The following EML1 variants were observed in gnomAD, a reference collection of about 807,000 sequenced individuals.
EML1 encodes echinoderm microtubule-associated protein-like 1.
A neutral mutation model predicts 110.4 loss-of-function variants in EML1; 27 were observed. That is an observed-to-expected ratio of 0.24 (90% CI 0.18 to 0.34). EML1 has a LOEUF of 0.34. Ranked by LOEUF, EML1 falls within the 10% of genes least tolerant of loss-of-function variation. The pLI, the probability that EML1 is intolerant of heterozygous loss-of-function variation, is 1.00. For missense variants in EML1, 741 were observed against 1,030.9 expected, an observed-to-expected ratio of 0.72 and a Z score of 3.85; for synonymous variants, 344 against 385.8, an observed-to-expected ratio of 0.89 and a Z score of 1.27.
chr14:99,863,984 C>T (rs117098443), intron 2 of EML1, among the ~76,000 whole-genome samples: 106 of 152,362 alleles, frequency 7.0e-4, no homozygotes, highest in Non-Finnish European at 1.1e-3. Flanking sequence ...ATCGGCATCC[C>T]GGCCATCAAT....
intron 1 of EML1, among the ~76,000 whole-genome samples, chr14:99,753,986 G>A (rs2057213753): frequency 6.6e-6 from 1 of 152,186 alleles, no homozygotes; most frequent in Non-Finnish European, 1.5e-5. Context: ...TTTCCAACAA[G>A]GGCCCCCCAC....
At chr14:99,938,448 C>T (rs1378993989) in intron 20 of EML1, among the ~76,000 whole-genome samples, 6 of 152,220 alleles carry the variant, frequency 3.9e-5, no homozygotes, top group African/African-American at 1.4e-4. Context: ...GTGCTGAGGT[C>T]CGGAGGTTCA....
chr14:99,931,141 C>G (rs759846188), intron 17 of EML1, among the ~76,000 whole-genome samples: 9 of 152,162 alleles, frequency 5.9e-5, no homozygotes, highest in Non-Finnish European at 8.8e-5. Flanking sequence ...CATGCAGATG[C>G]AGCAGTCTTG....
chr14:99,846,441 C>A (rs971687376), intron 1 of EML1, among the ~76,000 whole-genome samples: 1 of 151,920 alleles, frequency 6.6e-6, no homozygotes. Context: ...TACCACCATG[C>A]CCAGCTAATT....
intron 4 of EML1, among the ~76,000 whole-genome samples, chr14:99,882,413 G>A (rs766596335): frequency 6.6e-6 from 1 of 152,172 alleles, no homozygotes; most frequent in Non-Finnish European, 1.5e-5. Flanking sequence ...AAGGGAATGA[G>A]CTATGTCAGC....
At chr14:99,869,800 G>A (rs1049123770) in intron 3 of EML1, among the ~76,000 whole-genome samples, 1 of 152,140 alleles carries the variant, frequency 6.6e-6, no homozygotes, top group African/African-American at 2.4e-5. Context: ...TCAAGGTCTG[G>A]TTGTTTAAAA....
intron 9 of EML1, 160 bp from the exon 10 acceptor site, chr14:99,907,478 A>G: frequency 1.5e-6 from 1 of 658,386 alleles, no homozygotes; most frequent in East Asian, 2.8e-5. Flanking sequence ...CAGAAAAAGA[A>G]AGAAAGAAAG....
chr14:99,796,910 T>A (rs1166445532), intron 1 of EML1, among the ~76,000 whole-genome samples: 1 of 102,164 alleles, frequency 9.8e-6, no homozygotes, highest in Non-Finnish European at 2.1e-5. Flanking sequence ...TGTGTGTGTA[T>A]GTGTGTGTGT....
chr14:99,763,137 C>G (rs964947451), intron 1 of EML1, among the ~76,000 whole-genome samples: 1 of 152,178 alleles, frequency 6.6e-6, no homozygotes, highest in African/African-American at 2.4e-5. Flanking sequence ...CTGCCGCCAT[C>G]TATGTAAGAT....
chr14:99,765,655 G>A (rs369864424), intron 1 of EML1, among the ~76,000 whole-genome samples: 15 of 152,120 alleles, frequency 9.9e-5, no homozygotes, highest in Admixed American at 5.9e-4. Context: ...CCAGGCTGGA[G>A]TTGCAGTGAT....
At chr14:99,768,415 T>C (rs2057388838), upstream of EML1, among the ~76,000 whole-genome samples, 1 of 152,018 alleles carries the variant, frequency 6.6e-6, no homozygotes, top group Non-Finnish European at 1.5e-5. Flanking sequence ...TTGATGGAGC[T>C]GCCTCGGAGG....
intron 1 of EML1, among the ~76,000 whole-genome samples, chr14:99,821,253 T>C (rs2058257390): frequency 6.6e-6 from 1 of 152,170 alleles, no homozygotes; most frequent in African/African-American, 2.4e-5. Flanking sequence ...TTAGTCCTCC[T>C]GCCTCAACAT....
chr14:99,825,011 T>C (rs1221506679), intron 1 of EML1, among the ~76,000 whole-genome samples: 3 of 152,088 alleles, frequency 2.0e-5, no homozygotes, highest in African/African-American at 7.3e-5. Flanking sequence ...TGAGACAGGA[T>C]CTTGTTCTGT....
At chr14:99,806,088 T>G (rs771792685) in intron 1 of EML1, among the ~76,000 whole-genome samples, 4 of 152,338 alleles carry the variant, frequency 2.6e-5, no homozygotes, top group Non-Finnish European at 5.9e-5. Flanking sequence ...AGTGGCTTAC[T>G]TCAGTTTCAG....
At chr14:99,854,276 A>G (rs1362254788) in intron 2 of EML1, among the ~76,000 whole-genome samples, 1 of 152,194 alleles carries the variant, frequency 6.6e-6, no homozygotes, top group East Asian at 1.9e-4. Context: ...TTTCCACAAT[A>G]ATACTCCACT....
chr14:99,934,194 C>T (rs1303982842), intron 17 of EML1, among the ~76,000 whole-genome samples: 1 of 152,226 alleles, frequency 6.6e-6, no homozygotes, highest in Non-Finnish European at 1.5e-5. Context: ...GTCACTGTTG[C>T]TGTCCAGGCA....
intron 3 of EML1, among the ~76,000 whole-genome samples, chr14:99,874,543 G>T (rs1485468931): frequency 2.0e-5 from 3 of 152,186 alleles, no homozygotes; most frequent in African/African-American, 7.2e-5. Flanking sequence ...TGAGTGTACG[G>T]TATTGCTCTC....
At chr14:99,803,379 G>A (rs1387845664) in intron 1 of EML1, among the ~76,000 whole-genome samples, 40 of 152,158 alleles carry the variant, frequency 2.6e-4, no homozygotes, top group Admixed American at 2.5e-3. Context: ...GTATACCTGC[G>A]TATCTACGTG....
At chr14:99,904,279 T>C (rs948995857) in intron 9 of EML1, among the ~76,000 whole-genome samples, 1 of 152,234 alleles carries the variant, frequency 6.6e-6, no homozygotes, top group African/African-American at 2.4e-5. Context: ...AGAATTTCTT[T>C]ACAAGATTAA....
Sources: allele counts gnomAD v4.1 joint callset (sites outside exome capture counted in the v4.1 genomes callset), GRCh38; gene constraint gnomAD v4.1.1; transcripts MANE v1.5; gene names NCBI Gene and HGNC (gene_info 2026-07-23, HGNC 2026-07-21).